RANBP2: variants seen among roughly 807,000 people sequenced by gnomAD.
The protein encoded by RANBP2 is RAN binding protein 2.
Under a neutral mutation model 303.6 loss-of-function variants are expected in RANBP2, and 57 were observed. The ratio of observed to expected loss-of-function variants is 0.19; its 90% CI spans 0.15 to 0.23. The LOEUF is 0.23. Ranked by LOEUF, RANBP2 falls within the 10% of genes least tolerant of loss-of-function variation. The pLI, the probability that RANBP2 is intolerant of heterozygous loss-of-function variation, is 1.00. For missense variants in RANBP2, 3,138 were observed against 3,780.8 expected, an observed-to-expected ratio of 0.83 and a Z score of 4.46; for synonymous variants, 1,167 against 1,301.5, an observed-to-expected ratio of 0.90 and a Z score of 2.23.
chr2:109,719,573 A>G, the RANBP2 span, among the ~76,000 whole-genome samples: 3 of 149,540 alleles, frequency 2.0e-5, no homozygotes, highest in African/African-American at 7.4e-5. Context: ...CACCCAGCTT[A>G]TTTTTGTATT....
the RANBP2 span, among the ~76,000 whole-genome samples, chr2:109,643,431 T>G: frequency 6.6e-6 from 1 of 152,050 alleles, no homozygotes; most frequent in Non-Finnish European, 1.5e-5. Flanking sequence ...ATACAGGTCT[T>G]AAAGACCTTG....
the RANBP2 span, among the ~76,000 whole-genome samples, chr2:108,934,205 A>C: frequency 6.6e-6 from 1 of 152,172 alleles, no homozygotes; most frequent in African/African-American, 2.4e-5. Context: ...GATGTGTTTC[A>C]TTATTGTTAC....
the RANBP2 span, chr2:108,839,265 A>G: frequency 1.6e-5 from 26 of 1,612,808 alleles, no homozygotes; most frequent in Middle Eastern, 1.8e-3. Flanking sequence ...TAAAATTTAT[A>G]TATTGGTCCC....
At chr2:109,588,168 G>T in the RANBP2 span, among the ~76,000 whole-genome samples, 1 of 151,646 alleles carries the variant, frequency 6.6e-6, no homozygotes, top group African/African-American at 2.4e-5. Context: ...AAAAATGAAG[G>T]CAAAATGAAG....
chr2:109,419,754 G>C, the RANBP2 span: 2 of 1,007,658 alleles, frequency 2.0e-6, no homozygotes, highest in Non-Finnish European at 2.9e-6. Context: ...TTACTAGTTG[G>C]CCAGTATAGT....
chr2:109,188,399 A>C, the RANBP2 span, among the ~76,000 whole-genome samples: 28 of 152,300 alleles, frequency 1.8e-4, no homozygotes, highest in Middle Eastern at 6.8e-3. Flanking sequence ...GCTGCTGCTC[A>C]GCGGGGTCTG....
the RANBP2 span, among the ~76,000 whole-genome samples, chr2:109,521,143 G>A: frequency 3.4e-4 from 52 of 151,844 alleles, no homozygotes; most frequent in Middle Eastern, 3.4e-3. Context: ...GCGTGAACCC[G>A]GGAGGCGGAG....
chr2:108,830,642 A>C, the RANBP2 span, among the ~76,000 whole-genome samples: 2 of 151,422 alleles, frequency 1.3e-5, no homozygotes, highest in Non-Finnish European at 2.9e-5. Context: ...CTCTGTCTCT[A>C]CTAAAAAATA....
At chr2:108,756,669 G>A (rs1241235338) in intron 17 of RANBP2, among the ~76,000 whole-genome samples, 4 of 152,188 alleles carry the variant, frequency 2.6e-5, no homozygotes, top group East Asian at 3.8e-4. Flanking sequence ...TGGAAGTATC[G>A]TGGAGCACTA....
the RANBP2 span, among the ~76,000 whole-genome samples, chr2:109,148,355 A>C: frequency 6.6e-6 from 1 of 152,196 alleles, no homozygotes; most frequent in African/African-American, 2.4e-5. Context: ...GTGGTTCTTC[A>C]TGTCACTATG....
chr2:109,621,297 C>T, the RANBP2 span, among the ~76,000 whole-genome samples: 2 of 152,036 alleles, frequency 1.3e-5, no homozygotes, highest in African/African-American at 2.4e-5. Context: ...GGACTACAGT[C>T]GCGCGCCACT....
At chr2:108,729,780 C>T (rs200404206) in intron 2 of RANBP2, among the ~76,000 whole-genome samples, 3 of 150,112 alleles carry the variant, frequency 2.0e-5, no homozygotes, top group Admixed American at 6.7e-5. Flanking sequence ...CAGCAGCTGG[C>T]TCCATCTTTG....
the RANBP2 span, among the ~76,000 whole-genome samples, chr2:109,143,303 G>A: frequency 6.6e-6 from 1 of 152,172 alleles, no homozygotes; most frequent in Non-Finnish European, 1.5e-5. Flanking sequence ...AGGCTTGGAG[G>A]ACCATAGTTT....
the RANBP2 span, among the ~76,000 whole-genome samples, chr2:109,004,617 G>C: frequency 2.0e-5 from 3 of 152,094 alleles, no homozygotes; most frequent in Admixed American, 2.0e-4. Flanking sequence ...GCGAGAAGAG[G>C]GTGGAGCAAA....
chr2:108,859,604 T>G, the RANBP2 span, among the ~76,000 whole-genome samples: 2 of 152,042 alleles, frequency 1.3e-5, no homozygotes, highest in African/African-American at 4.8e-5. Flanking sequence ...TGAAAATCAG[T>G]TGGTTGTAGG....
the RANBP2 span, among the ~76,000 whole-genome samples, chr2:109,277,241 C>T: frequency 6.6e-6 from 1 of 152,162 alleles, no homozygotes; most frequent in Non-Finnish European, 1.5e-5. Context: ...ATGTGTCACA[C>T]TTGGCCTCTC....
At chr2:109,177,018 C>T in the RANBP2 span, among the ~76,000 whole-genome samples, 3 of 152,124 alleles carry the variant, frequency 2.0e-5, no homozygotes, top group Non-Finnish European at 4.4e-5. Flanking sequence ...GGCTTTTCCC[C>T]AGCTTTGTCA....
the RANBP2 span, chr2:108,896,826 G>T: frequency 7.1e-7 from 1 of 1,404,246 alleles, no homozygotes; most frequent in African/African-American, 1.4e-5. Flanking sequence ...ATTCTTGGCA[G>T]TCTTTTGGCA....
the RANBP2 span, among the ~76,000 whole-genome samples, chr2:109,319,582 G>A: frequency 4.4e-3 from 663 of 152,352 alleles, 4 homozygotes; most frequent in Non-Finnish European, 5.8e-3. Flanking sequence ...AGTGGGGCTC[G>A]TTCCAGAACA....
Sources: gnomAD v4.1 joint callset for allele counts (sites outside exome capture counted in the v4.1 genomes callset) on GRCh38, gnomAD v4.1.1 for gene constraint, MANE v1.5 for transcripts, NCBI Gene and HGNC (gene_info 2026-07-23, HGNC 2026-07-21) for gene names.